PLXNA2: variants seen among roughly 807,000 people sequenced by gnomAD.
PLXNA2 encodes plexin A2.
PLXNA2 carries 91 observed loss-of-function variants against 193.5 expected under a neutral mutation model. The observed-to-expected ratio is 0.47, with a 90% confidence interval of 0.40 to 0.56. PLXNA2 has a LOEUF of 0.56. Among genes scored for constraint, PLXNA2 ranks in the 20% least tolerant of loss-of-function variants. The pLI, the probability that PLXNA2 is intolerant of heterozygous loss-of-function variation, is 0.00. For synonymous variants in PLXNA2, 997 were observed against 1,027.3 expected (o/e 0.97, Z 0.56); for missense variants, 1,995 against 2,503.2 (o/e 0.80, Z 4.33).
intron 12 of PLXNA2, among the ~76,000 whole-genome samples, chr1:208,074,375 G>A (rs543596496): frequency 5.9e-5 from 9 of 152,250 alleles, no homozygotes; most frequent in East Asian, 1.9e-4. Flanking sequence ...AGACACCCAC[G>A]ATGACAGCTG....
chr1:208,189,613 C>T (rs1670114559), intron 3 of PLXNA2, among the ~76,000 whole-genome samples: 1 of 152,054 alleles, frequency 6.6e-6, no homozygotes, highest in Non-Finnish European at 1.5e-5. Flanking sequence ...AAAAGATGAA[C>T]ACAACTGACC....
In PLXNA2 at chr1:208,027,091, G is replaced by A. The variant is rs767251102; in HGVS notation, c.*152C>T. ...CTGGCTATGACGAAACTTGGCTGGC[G>A]TAGGGAGAGGAGTCCTCCCCTCTCC... On this transcript the variant is annotated 3_prime_UTR_variant, in exon 32 of 32. Coordinates refer to ENST00000367033, the MANE Select transcript of PLXNA2 (RefSeq NM_025179.4). 4.9e-5 allele frequency: 33 copies of A among 669,902 alleles called. No homozygotes were observed. Among genetic ancestry groups the A allele is most frequent in the East Asian group, 3.1e-4 (11 of 36,016 alleles). The allele number at this position is 669,902 out of a possible 1,614,324, so 41.5% of individuals were successfully genotyped here. A position where few individuals can be genotyped will look rare whatever the true frequency, so the allele number is the denominator to read the frequency against.
intron 10 of PLXNA2, among the ~76,000 whole-genome samples, chr1:208,083,902 C>T (rs1349873312): frequency 1.3e-5 from 2 of 151,466 alleles, no homozygotes; most frequent in African/African-American, 2.4e-5. Context: ...CCTGGTTATT[C>T]ACTCCCTGAA....
chr1:208,083,677 C>G (rs1350336154), intron 10 of PLXNA2, among the ~76,000 whole-genome samples: 1 of 152,130 alleles, frequency 6.6e-6, no homozygotes, highest in Non-Finnish European at 1.5e-5. Context: ...GCTGACCCCC[C>G]ACAGTCAGAG....
At chr1:208,065,769 T>C (rs1455340094) in intron 12 of PLXNA2, among the ~76,000 whole-genome samples, 1 of 152,108 alleles carries the variant, frequency 6.6e-6, no homozygotes, top group South Asian at 2.1e-4. Flanking sequence ...GGGCCCTGGC[T>C]TTGGTGAGTT....
chr1:208,239,908 C>A (rs879880069), intron 1 of PLXNA2, among the ~76,000 whole-genome samples: 27 of 152,068 alleles, frequency 1.8e-4, no homozygotes, highest in Admixed American at 1.7e-3. Flanking sequence ...GGGGCTGTGG[C>A]AGGACAGTGG....
At chr1:208,178,697 G>A (rs1282183999) in intron 3 of PLXNA2, among the ~76,000 whole-genome samples, 1 of 152,206 alleles carries the variant, frequency 6.6e-6, no homozygotes, top group African/African-American at 2.4e-5. Context: ...AGGAGGATGC[G>A]AGGAGAAGAA....
chr1:208,174,621 G>A lies in PLXNA2; in HGVS notation c.1372-32158C>T, dbSNP rs988972684. ...ACCTAAGCCATCAGAGTGGGAAGCC[G>A]GAGGAGCTCCCATGCCCCCAATAGG... On this transcript the variant is annotated intron_variant, in intron 3 of 31. Transcript: ENST00000367033. 1.2e-4 allele frequency among the ~76,000 whole-genome samples: 18 copies of A among 152,200 alleles called. 1 individual carries two copies. The South Asian group carries it at 3.1e-3, about 26-fold the overall frequency.
At chr1:208,174,384 A>G (rs1410983473) in intron 3 of PLXNA2, among the ~76,000 whole-genome samples, 2 of 122,264 alleles carry the variant, frequency 1.6e-5, no homozygotes, top group Non-Finnish European at 3.2e-5. Flanking sequence ...GGAACACAGA[A>G]GGCAGAGTCA....
chr1:208,186,760 G>A (rs182262633), intron 3 of PLXNA2, among the ~76,000 whole-genome samples: 3,170 of 147,288 alleles, frequency 0.022, 49 homozygotes, highest in Non-Finnish European at 0.031. Flanking sequence ...TCGCCCAGGC[G>A]GGACTGCGGA....
intron 3 of PLXNA2, among the ~76,000 whole-genome samples, chr1:208,194,562 C>T (rs1335405141): frequency 6.6e-6 from 1 of 151,766 alleles, no homozygotes. Flanking sequence ...AAATGCACGC[C>T]ACTTTCATCT....
At chr1:208,180,383 A>C (rs1482246528) in intron 3 of PLXNA2, among the ~76,000 whole-genome samples, 1 of 152,142 alleles carries the variant, frequency 6.6e-6, no homozygotes, top group Non-Finnish European at 1.5e-5. Flanking sequence ...GGCTGGGAGC[A>C]GGGGCAGAAG....
At chr1:208,051,184 A>G (rs1001526135) in intron 16 of PLXNA2, 72 bp downstream of exon 16, 5 of 1,593,768 alleles carry the variant, frequency 3.1e-6, no homozygotes, top group Non-Finnish European at 4.3e-6. Context: ...GATCCCTCTC[A>G]TGAGCCAGAC....
intron 3 of PLXNA2, among the ~76,000 whole-genome samples, chr1:208,156,439 G>A (rs1177942673): frequency 6.6e-6 from 1 of 151,970 alleles, no homozygotes; most frequent in African/African-American, 2.4e-5. Flanking sequence ...TGATTTACAT[G>A]CAAATCATTT....
chr1:208,030,633 A>G (rs1290799527), intron 29 of PLXNA2: 11 of 985,224 alleles, frequency 1.1e-5, no homozygotes, highest in African/African-American at 1.0e-4. Context: ...GGCTTTTTCC[A>G]AAGTGTTTTG....
At chr1:208,224,642 T>C (rs1239307069) in intron 1 of PLXNA2, among the ~76,000 whole-genome samples, 1 of 152,138 alleles carries the variant, frequency 6.6e-6, no homozygotes, top group African/African-American at 2.4e-5. Context: ...TGTCATTTTT[T>C]CCCTAGACTC....
intron 4 of PLXNA2, among the ~76,000 whole-genome samples, chr1:208,139,875 AG>A (rs1298111867): frequency 6.6e-6 from 1 of 152,130 alleles, no homozygotes; most frequent in Non-Finnish European, 1.5e-5. Context: ...CCCCTGGTGA[AG>A]TCACCTGGCT....
At chr1:208,045,247 AC>A in intron 18 of PLXNA2, 37 bp from the exon 19 acceptor site, 1 of 1,596,190 alleles carries the variant, frequency 6.3e-7, no homozygotes, top group Non-Finnish European at 8.6e-7. Context: ...CATAATTGAC[AC>A]ATGCACGCAC....
chr1:208,074,280 G>A (rs2102372769), intron 12 of PLXNA2, among the ~76,000 whole-genome samples: 1 of 152,284 alleles, frequency 6.6e-6, no homozygotes, highest in Middle Eastern at 3.4e-3. Flanking sequence ...TGGGGGAACG[G>A]AAACGTGGCG....
Sources: allele counts gnomAD v4.1 joint callset (sites outside exome capture counted in the v4.1 genomes callset), GRCh38; gene constraint gnomAD v4.1.1; transcripts MANE v1.5; gene names NCBI Gene and HGNC (gene_info 2026-07-23, HGNC 2026-07-21).